RAPGEF5: variants seen among roughly 807,000 people sequenced by gnomAD.
RAPGEF5 encodes M-Ras-regulated GEF.
A neutral mutation model predicts 125.2 loss-of-function variants in RAPGEF5; 65 were observed. That is an observed-to-expected ratio of 0.52 (90% CI 0.43 to 0.64). RAPGEF5 has a LOEUF of 0.64. Among genes scored for constraint, RAPGEF5 ranks in the 30% least tolerant of loss-of-function variants. The pLI, the probability that RAPGEF5 is intolerant of heterozygous loss-of-function variation, is 0.00. For missense variants in RAPGEF5, 958 were observed against 1,048.1 expected (o/e 0.91, Z 1.19); for synonymous variants, 391 against 385.9 (o/e 1.01, Z -0.16).
chr7:22,138,699 T>A (rs1450985602), intron 21 of RAPGEF5, among the ~76,000 whole-genome samples: 1 of 152,248 alleles, frequency 6.6e-6, no homozygotes, highest in African/African-American at 2.4e-5. Context: ...TCAGTTCTCA[T>A]GTAGCCATCT....
chr7:22,236,940 G>C (rs1469972557), intron 7 of RAPGEF5, among the ~76,000 whole-genome samples: 1 of 152,210 alleles, frequency 6.6e-6, no homozygotes, highest in Non-Finnish European at 1.5e-5. Flanking sequence ...CAATGTTCAG[G>C]TGGAAGCCCT....
chr7:22,335,232 G>A lies in RAPGEF5; in HGVS notation c.232-17195C>T, dbSNP rs569459368. Among the ~76,000 whole-genome samples the A allele has an allele frequency of 5.3e-5, 8 of 152,274 alleles. No individual in the cohort carries two copies. The East Asian group carries it at 1.5e-3, about 29-fold the overall frequency. On this transcript the variant is annotated intron_variant, in intron 1 of 25. Transcript: ENST00000665637. ...AGTGGTGTTCATTTTTAGTTTCAAC[G>A]AGGCAAGTGGATTTCATGTGATCAG...
At chr7:22,315,237 C>A (rs1364275659) in intron 3 of RAPGEF5, 133 bp downstream of exon 3, 3 of 1,021,496 alleles carry the variant, frequency 2.9e-6, no homozygotes, top group Non-Finnish European at 3.9e-6. Context: ...CCATCAGTTT[C>A]CCCAATAGAA....
chr7:22,136,819 T>A, intron 22 of RAPGEF5, 114 bp downstream of exon 22: 2 of 877,028 alleles, frequency 2.3e-6, no homozygotes, highest in African/African-American at 3.5e-5. Context: ...ACAAGTAAAC[T>A]AGTCTAGGCT....
chr7:22,154,502 T>C lies in RAPGEF5; in HGVS notation c.1739A>G (p.Gln580Arg), dbSNP rs200463241. 269 of 1,613,792 alleles carry C rather than the reference T, an allele frequency of 1.7e-4. No homozygotes were observed. Among genetic ancestry groups the C allele is most frequent in the Non-Finnish European group, 2.2e-4 (261 of 1,179,840 alleles). The change falls in exon 17 of 26, where the codon CAG (glutamine) becomes CGG (arginine). Residue 580 changes from glutamine to arginine, a missense_variant. Gln to Arg is a conservative substitution (Grantham distance 43). Coordinates refer to ENST00000665637, the MANE Select transcript of RAPGEF5 (RefSeq NM_012294.5). ...EILKVVAEKI[Q>R]YAEEDLALVA... ...CAGAGCCAGATCCTCTTCTGCATAC[T>C]GGATCTTTTCTGCCACGACTTTTAG...
chr7:22,296,957 A>T (rs1783077217), intron 5 of RAPGEF5, among the ~76,000 whole-genome samples: 1 of 152,224 alleles, frequency 6.6e-6, no homozygotes, highest in Admixed American at 6.5e-5. Flanking sequence ...GCATTTGGCA[A>T]CATGGAAGAC....
intron 7 of RAPGEF5, among the ~76,000 whole-genome samples, chr7:22,254,146 C>T (rs376993598): frequency 6.6e-6 from 1 of 152,128 alleles, no homozygotes; most frequent in East Asian, 1.9e-4. Context: ...CTCACAAATG[C>T]CTCGCATGGT....
At chr7:22,244,465 C>G (rs111924187) in intron 7 of RAPGEF5, among the ~76,000 whole-genome samples, 1 of 151,954 alleles carries the variant, frequency 6.6e-6, no homozygotes, top group East Asian at 1.9e-4. Context: ...AGCGTGAACC[C>G]TATTGTGAAC....
chr7:22,140,805 T>C (rs1783233472), intron 20 of RAPGEF5, among the ~76,000 whole-genome samples: 1 of 152,146 alleles, frequency 6.6e-6, no homozygotes, highest in Non-Finnish European at 1.5e-5. Flanking sequence ...GGGCTTGGAA[T>C]GGCAGGGGGA....
At chr7:22,154,058 C>T (rs957503444) in intron 17 of RAPGEF5, among the ~76,000 whole-genome samples, 14 of 152,126 alleles carry the variant, frequency 9.2e-5, no homozygotes, top group African/African-American at 3.1e-4. Context: ...GAGTCTTTAA[C>T]TATTAAATTG....
At chr7:22,343,351 G>C (rs1784163373) in intron 1 of RAPGEF5, among the ~76,000 whole-genome samples, 1 of 152,170 alleles carries the variant, frequency 6.6e-6, no homozygotes, top group Non-Finnish European at 1.5e-5. Context: ...CAACTACCCA[G>C]AAAGAGAGGG....
At position 22,136,919 on chromosome 7, in the gene RAPGEF5, G is replaced by C; in HGVS notation, c.2328+14C>G. ...TATTTTGAAGAATAAGTCCCCTTTGGCTCAACTACTTACTGTTAAACTTTC... is the reference window on the plus strand; with the variant it reads ...TATTTTGAAGAATAAGTCCCCTTTGCCTCAACTACTTACTGTTAAACTTTC... On this transcript the variant is annotated intron_variant, in intron 22 of 25. Transcript: ENST00000665637. 6.4e-7 allele frequency: 1 copy of C among 1,558,010 alleles called. No homozygotes were observed. Among genetic ancestry groups the C allele is most frequent in the Non-Finnish European group, 8.8e-7 (1 of 1,137,642 alleles).
chr7:22,157,499 GACT>G (rs1247072267), intron 15 of RAPGEF5, among the ~76,000 whole-genome samples: 1 of 152,120 alleles, frequency 6.6e-6, no homozygotes, highest in Non-Finnish European at 1.5e-5. Flanking sequence ...TTCTTTACAA[GACT>G]TCTTTCCTCT....
intron 1 of RAPGEF5, among the ~76,000 whole-genome samples, chr7:22,326,928 T>C (rs912755873): frequency 1.2e-4 from 18 of 152,156 alleles, no homozygotes; most frequent in African/African-American, 4.1e-4. Context: ...AGGTAATGGA[T>C]AGGTTCGTGG....
chr7:22,318,137 T>TAA, intron 1 of RAPGEF5, 100 bp from the exon 2 acceptor site: 3 of 1,068,724 alleles, frequency 2.8e-6, no homozygotes, highest in Non-Finnish European at 2.5e-6. Flanking sequence ...GCCTCTGCTA[T>TAA]GAAAAAAAAA....
chr7:22,222,572 G>A (rs112853484), intron 8 of RAPGEF5, among the ~76,000 whole-genome samples: 3 of 152,146 alleles, frequency 2.0e-5, no homozygotes, highest in Non-Finnish European at 2.9e-5. Context: ...GAGCAGCAGG[G>A]CTAGAAAAGA....
intron 11 of RAPGEF5, among the ~76,000 whole-genome samples, chr7:22,182,324 AAC>A (rs1784699603): frequency 6.6e-6 from 1 of 152,224 alleles, no homozygotes; most frequent in Admixed American, 6.5e-5. Context: ...CACTGTCTTA[AAC>A]ACAGTTTCAA....
intron 7 of RAPGEF5, among the ~76,000 whole-genome samples, chr7:22,238,518 A>G (rs1786247407): frequency 6.6e-6 from 1 of 152,198 alleles, no homozygotes; most frequent in Admixed American, 6.5e-5. Flanking sequence ...AAAGCCAACT[A>G]GTCTATAGGC....
intron 8 of RAPGEF5, among the ~76,000 whole-genome samples, chr7:22,227,570 T>G (rs531100792): frequency 6.6e-6 from 1 of 152,290 alleles, no homozygotes; most frequent in African/African-American, 2.4e-5. Context: ...CCAAGTGTAG[T>G]GGCTAACGCC....
Sources: allele counts gnomAD v4.1 joint callset (sites outside exome capture counted in the v4.1 genomes callset), GRCh38; gene constraint gnomAD v4.1.1; transcripts MANE v1.5; gene names NCBI Gene and HGNC (gene_info 2026-07-23, HGNC 2026-07-21).